The following SLC14A2 variants were observed in gnomAD, a reference collection of about 807,000 sequenced individuals.
SLC14A2 encodes the protein solute carrier family 14 member 2.
In SLC14A2, 91 loss-of-function variants were observed where a neutral mutation model predicts 104.6. The observed-to-expected ratio is 0.87, with a 90% CI of 0.73 to 1.04. The LOEUF (loss-of-function observed/expected upper bound fraction) is 1.04, where lower values mean the gene tolerates loss of function less well. Among genes scored for constraint, SLC14A2 ranks in the 50% least tolerant of loss-of-function variants. The pLI, the probability that SLC14A2 is intolerant of heterozygous loss-of-function variation, is 0.00. For missense variants in SLC14A2, 1,189 were observed against 1,156.0 expected (o/e 1.03, Z -0.41); for synonymous variants, 476 against 466.4 (o/e 1.02, Z -0.27).
upstream of SLC14A2, among the ~76,000 whole-genome samples, chr18:45,611,656 A>C (rs953194339): frequency 9.8e-5 from 15 of 152,330 alleles, no homozygotes; most frequent in Middle Eastern, 3.4e-3. Context: ...TCATTGGATG[A>C]GGGAGAGAAC....
the SLC14A2 span, among the ~76,000 whole-genome samples, chr18:45,185,554 C>G: frequency 3.3e-5 from 5 of 152,118 alleles, no homozygotes. Flanking sequence ...AATGGTGAAC[C>G]ATAGAATGTT....
At chr18:45,401,635 C>T (rs2086097219) in intron 1 of SLC14A2, among the ~76,000 whole-genome samples, 5 of 152,184 alleles carry the variant, frequency 3.3e-5, no homozygotes, top group Admixed American at 3.3e-4. Context: ...GTGGCCTAAT[C>T]TATCTTACGT....
In SLC14A2 at chr18:45,663,790, G is replaced by T. The variant is rs556141911; in HGVS notation, c.1357G>T (p.Gly453Cys). 1.9e-6 allele frequency: 3 copies of T among 1,612,322 alleles called. No homozygotes were observed. The highest frequency in any genetic ancestry group is 1.7e-5 in the Admixed American group (1 of 59,986). Residue 453 changes from glycine (G) to cysteine (C), a missense_variant, in exon 11 of 20, where the codon GGT becomes TGT. Coordinates refer to ENST00000255226, the MANE Select transcript of SLC14A2 (RefSeq NM_007163.4). Reference protein sequence around the residue: ...GEEEKAPSGGGGEHPPTAGPK... With the variant: ...GEEEKAPSGGCGEHPPTAGPK... ...CTTGTTTTGCCCCTGGCTAGGAGGC[G>T]GTGGGGAGCATCCACCCACAGCAGG...
intron 1 of SLC14A2, among the ~76,000 whole-genome samples, chr18:45,242,012 T>C (rs1272013550): frequency 5.3e-5 from 8 of 152,110 alleles, no homozygotes; most frequent in Non-Finnish European, 1.2e-4. Context: ...TTCCCAACCT[T>C]GAAACTAAAA....
chr18:45,168,370 G>A, the SLC14A2 span, among the ~76,000 whole-genome samples: 112 of 152,206 alleles, frequency 7.4e-4, no homozygotes, highest in African/African-American at 2.5e-3. Flanking sequence ...CAGACGTTCG[G>A]TATTTGAATT....
the SLC14A2 span, among the ~76,000 whole-genome samples, chr18:45,179,271 G>T: frequency 6.6e-6 from 1 of 152,122 alleles, no homozygotes; most frequent in Admixed American, 6.5e-5. Context: ...TTTGAGAAAG[G>T]TCGGAGAGGC....
chr18:45,390,853 T>G (rs1222834078), intron 1 of SLC14A2, among the ~76,000 whole-genome samples: 1 of 152,230 alleles, frequency 6.6e-6, no homozygotes, highest in African/African-American at 2.4e-5. Context: ...TAAAATTATT[T>G]CTTTTTAAGT....
the SLC14A2 span, among the ~76,000 whole-genome samples, chr18:45,175,443 G>A: frequency 6.6e-6 from 1 of 152,102 alleles, no homozygotes; most frequent in Non-Finnish European, 1.5e-5. Flanking sequence ...GAAGATTCAG[G>A]TGTGGGCAAT....
intron 2 of SLC14A2, chr18:45,529,142 A>G (rs2043642236): frequency 6.6e-6 from 1 of 152,272 alleles, no homozygotes; most frequent in African/African-American, 2.4e-5. Context: ...TGACTTGCAG[A>G]ATCATGAGAA....
chr18:45,659,370 C>T (rs887006043), intron 10 of SLC14A2, among the ~76,000 whole-genome samples: 10 of 152,240 alleles, frequency 6.6e-5, no homozygotes, highest in Non-Finnish European at 1.2e-4. Context: ...ACAAAATTTA[C>T]TCTTGAGCTA....
chr18:45,349,251 T>C (rs2085479045), intron 1 of SLC14A2, among the ~76,000 whole-genome samples: 1 of 152,360 alleles, frequency 6.6e-6, no homozygotes, highest in East Asian at 1.9e-4. Context: ...CTGGGAATTA[T>C]ATCAAATAGG....
At chr18:45,277,541 T>A (rs2084715034) in intron 1 of SLC14A2, among the ~76,000 whole-genome samples, 1 of 152,170 alleles carries the variant, frequency 6.6e-6, no homozygotes, top group African/African-American at 2.4e-5. Flanking sequence ...CCTGAGTAGC[T>A]GGTACTATAG....
At chr18:45,307,171 C>G (rs11082441) in intron 1 of SLC14A2, among the ~76,000 whole-genome samples, 1 of 151,860 alleles carries the variant, frequency 6.6e-6, no homozygotes, top group Non-Finnish European at 1.5e-5. Context: ...AATCCTAGCA[C>G]TTTGGGAGGC....
chr18:45,174,937 T>C, the SLC14A2 span, among the ~76,000 whole-genome samples: 1 of 152,162 alleles, frequency 6.6e-6, no homozygotes, highest in Non-Finnish European at 1.5e-5. Flanking sequence ...TTTTTACTTA[T>C]CAGATTGGCA....
chr18:45,317,733 T>C (rs573334840), intron 1 of SLC14A2, among the ~76,000 whole-genome samples: 1 of 152,356 alleles, frequency 6.6e-6, no homozygotes, highest in African/African-American at 2.4e-5. Context: ...TTTGGGTTTC[T>C]GGAGCCCCAG....
chr18:45,650,885 A>ACC (rs1247930728), intron 10 of SLC14A2, among the ~76,000 whole-genome samples: 1 of 142,878 alleles, frequency 7.0e-6, no homozygotes, highest in Non-Finnish European at 1.5e-5. Flanking sequence ...CATTACAGGC[A>ACC]CCCACCACCA....
chr18:45,413,662 C>G (rs576955494), intron 1 of SLC14A2, among the ~76,000 whole-genome samples: 20 of 152,290 alleles, frequency 1.3e-4, no homozygotes, highest in South Asian at 8.3e-4. Flanking sequence ...TGAGCTCCAG[C>G]ATTGTTGTTT....
chr18:45,362,204 G>A (rs1419959661), intron 1 of SLC14A2, among the ~76,000 whole-genome samples: 2 of 152,230 alleles, frequency 1.3e-5, no homozygotes, highest in African/African-American at 4.8e-5. Flanking sequence ...ACGATTGTAA[G>A]TTTCCTGAGG....
intron 2 of SLC14A2, among the ~76,000 whole-genome samples, chr18:45,536,791 T>C (rs549616101): frequency 4.9e-4 from 75 of 152,254 alleles, no homozygotes; most frequent in African/African-American, 1.8e-3. Context: ...ATTTGTCACA[T>C]TGTAAGGGCA....
Sources: allele counts gnomAD v4.1 joint callset (sites outside exome capture counted in the v4.1 genomes callset), GRCh38; gene constraint gnomAD v4.1.1; transcripts MANE v1.5; gene names NCBI Gene and HGNC (gene_info 2026-07-23, HGNC 2026-07-21).